FGFR4: variants seen among roughly 807,000 people sequenced by gnomAD.
The protein encoded by FGFR4 is fibroblast growth factor receptor 4.
Under a neutral mutation model 89.9 loss-of-function variants are expected in FGFR4, and 63 were observed. That is an observed-to-expected ratio of 0.70 (90% confidence interval 0.57 to 0.86). The LOEUF is 0.86. Among genes scored for constraint, FGFR4 ranks in the 40% least tolerant of loss-of-function variants. The pLI is 0.00. For synonymous variants in FGFR4, 486 were observed against 479.4 expected (o/e 1.01, Z -0.18); for missense variants, 928 against 1,106.7 (o/e 0.84, Z 2.29).
In FGFR4 at chr5:177,091,618, C is replaced by A. The variant is rs1784368570; in HGVS notation, c.604-67C>A. 4.4e-6 allele frequency: 7 copies of A among 1,591,836 alleles called. No individual in the cohort carries two copies. In the South Asian group the frequency reaches 7.9e-5, roughly 18 times the overall value. On this transcript the variant is annotated intron_variant, in intron 5 of 17. Transcript: ENST00000292408. ...CCCTGTGGGCAGGATGAGGATCTAG[C>A]CTCCTGGTCCTCTGGCCCCCTTGGT...
chr5:177,092,281 G>T (rs779918745), intron 6 of FGFR4, 40 bp from the exon 7 acceptor site: 1 of 1,507,768 alleles, frequency 6.6e-7, no homozygotes, highest in Non-Finnish European at 8.9e-7. Flanking sequence ...GCTTCTATGG[G>T]TGCCGGTGGT....
Position 177,096,688 on chromosome 5 carries a change from G to C in FGFR4, c.2100G>C (p.Ser700=), listed in dbSNP as rs750894321. ...YPGIPVEELF[S]LLREGHRMDR... is the part of the protein sequence containing the mutation. ...GCATCCCGGTGGAGGAGCTGTTCTC[G>C]CTGCTGCGGGAGGGACATCGGATGG... Residue 700 remains serine, a synonymous_variant, in exon 16 of 18, where the codon TCG becomes TCC. Coordinates refer to ENST00000292408, the MANE Select transcript of FGFR4 (RefSeq NM_213647.3). 4.4e-6 allele frequency: 7 copies of C among 1,607,336 alleles called. No homozygotes were observed. Among genetic ancestry groups the C allele is most frequent in the Non-Finnish European group, 5.1e-6 (6 of 1,176,732 alleles).
At position 177,087,640 on chromosome 5, in the gene FGFR4, G is replaced by A. The variant is rs1308666631; in HGVS notation, c.-54+563G>A. On this transcript the variant is annotated intron_variant, in intron 1 of 17. Coordinates refer to ENST00000292408, the MANE Select transcript of FGFR4 (RefSeq NM_213647.3). The surrounding 1 kb of genome is among the most constrained non-coding windows in gnomAD (Gnocchi z 6.1). ...CTGATATCAGGGCAGCCTGGGGTAGGAATAAACTCCCCGGGCCTCCCCACC... is the reference window on the plus strand; with the variant it reads ...CTGATATCAGGGCAGCCTGGGGTAGAAATAAACTCCCCGGGCCTCCCCACC... 2.9e-5 allele frequency: 29 copies of A among 985,154 alleles called. No homozygotes were observed. The highest frequency in any genetic ancestry group is 3.4e-5 in the Non-Finnish European group (28 of 829,874). 61.0% of individuals were successfully genotyped at this position (985,154 alleles called of 1,614,324 possible).
rs200881232 is a variant in FGFR4, at chr5:177,093,495, C to T, written c.1341C>T (p.Ala447=). ...RLSSSGPALL[A]GLVSLDLPLD... ...CCTCCAGCGGCCCCGCCTTGCTCGC[C>T]GGCCTCGTGAGTCTAGATCTACCTC... Residue 447 remains alanine (A), a synonymous_variant, in exon 10 of 18, where the codon GCC becomes GCT. Transcript: ENST00000292408. The surrounding 1 kb of genome is among the most constrained non-coding windows in gnomAD (Gnocchi z 5.8). 14 of 1,613,932 alleles carry T rather than the reference C, an allele frequency of 8.7e-6. No homozygotes were observed. Among genetic ancestry groups the T allele is most frequent in the Admixed American group, 1.7e-5 (1 of 60,032 alleles).
intron 8 of FGFR4, 54 bp downstream of exon 8, chr5:177,092,838 T>G (rs1230419935): frequency 1.9e-6 from 3 of 1,612,426 alleles, no homozygotes; most frequent in Non-Finnish European, 2.5e-6. Context: ...GGGCCAGCAG[T>G]GGGGGCTGTG....
Position 177,097,476 on chromosome 5 carries a change from C to T in FGFR4, c.2260-51C>T, listed in dbSNP as rs766717342. On this transcript the variant is annotated intron_variant, in intron 17 of 17. Transcript: ENST00000292408. ...TCTGGCCTGACCGCGTGGACATGCG[C>T]CCCGTCCCATCCCGGGCGCTGCAGA... The T allele has an allele frequency of 4.4e-6, 7 of 1,603,856 alleles. No individual in the cohort carries two copies. In the Admixed American group the frequency reaches 1.0e-4, roughly 23 times the overall value.
rs749158608 is a variant in FGFR4, at chr5:177,093,478, G to A, written c.1324G>A (p.Gly442Ser). ...ACGAGGCGTGCGTCTCTCCTCCAGC[G>A]GCCCCGCCTTGCTCGCCGGCCTCGT... ...LVRGVRLSSS[G>S]PALLAGLVSL... The change falls in exon 10 of 18, where the codon GGC becomes AGC. Residue 442 changes from glycine to serine, a missense_variant. Around this residue, in one of 5 missense-constraint regions of FGFR4, gnomAD observed 741 missense variants for 836.9 expected, o/e 0.89. Transcript: ENST00000292408. This position sits in a 1 kb window ranked among gnomAD's most constrained non-coding sequence, Gnocchi z 5.8. 32 of 1,613,850 alleles carry A rather than the reference G, an allele frequency of 2.0e-5. No individual in the cohort carries two copies. The highest frequency in any genetic ancestry group is 8.3e-5 in the Admixed American group (5 of 60,010).
intron 6 of FGFR4, 32 bp downstream of exon 6, chr5:177,091,840 G>A: frequency 6.2e-7 from 1 of 1,611,884 alleles, no homozygotes; most frequent in East Asian, 2.2e-5. Context: ...GGGGAGGCCT[G>A]ACCCATTTTG....
chr5:177,095,557 GCGC>G lies in FGFR4; in HGVS notation c.1660_1662del (p.Ala554del), dbSNP rs752046033. 2 of 1,610,072 alleles carry G rather than the reference GCGC, an allele frequency of 1.2e-6. No homozygotes were observed. Among genetic ancestry groups the G allele is most frequent in the African/African-American group, 2.7e-5 (2 of 74,814 alleles). ...GGGCCCCTGTACGTGATCGTGGAGT[GCGC>G]CGCCAAGGGAAACCTGCGGGAGTTC... On this transcript the variant is annotated inframe_deletion, in exon 13 of 18. Transcript: ENST00000292408. This position sits in a 1 kb window ranked among gnomAD's most constrained non-coding sequence, Gnocchi z 5.7.
Position 177,093,028 on chromosome 5 carries a change from G to C in FGFR4, c.1058-110G>C, listed in dbSNP as rs1292615104. 3 of 1,448,076 alleles carry C rather than the reference G, an allele frequency of 2.1e-6. No homozygotes were observed. The highest frequency in any genetic ancestry group is 2.9e-6 in the Non-Finnish European group (3 of 1,041,474). The allele number at this position is 1,448,076 out of a possible 1,614,324, so 89.7% of individuals were successfully genotyped here. On this transcript the variant is annotated intron_variant, in intron 8 of 17. Coordinates refer to ENST00000292408, the MANE Select transcript of FGFR4 (RefSeq NM_213647.3). The surrounding 1 kb of genome is among the most constrained non-coding windows in gnomAD (Gnocchi z 5.8). The stretch of plus-strand genomic sequence containing the variant: ...GGCATAACTACAGCTTCCTCCGTGT[G>C]TGTCCCCACATATGTTGGGAGCTGG...
At chr5:177,089,422 C>A in intron 1 of FGFR4, 128 bp from the exon 2 acceptor site, 1 of 1,096,906 alleles carries the variant, frequency 9.1e-7, no homozygotes, top group Non-Finnish European at 1.3e-6. Flanking sequence ...TGCACTGCCA[C>A]AGCCTGGCCA....
chr5:177,096,539 C>A, intron 15 of FGFR4, 65 bp from the exon 16 acceptor site: 1 of 1,589,342 alleles, frequency 6.3e-7, no homozygotes, highest in Non-Finnish European at 8.6e-7. Context: ...TCTGTGGGGT[C>A]CCCCGTCCTA....
Position 177,093,824 on chromosome 5 carries a change from A to G in FGFR4, c.1519+49A>G, listed in dbSNP as rs748874813. The G allele has an allele frequency of 1.3e-6, 2 of 1,574,182 alleles. No homozygotes were observed. Among genetic ancestry groups the G allele is most frequent in the Non-Finnish European group, 1.7e-6 (2 of 1,154,098 alleles). ...CTCACACCTGTAACGCCAGCACTTT[A>G]GGAGGCTGAGGGTGGGAGGATCGCT... On this transcript the variant is annotated intron_variant, in intron 11 of 17. Coordinates refer to ENST00000292408, the MANE Select transcript of FGFR4 (RefSeq NM_213647.3). This position sits in a 1 kb window ranked among gnomAD's most constrained non-coding sequence, Gnocchi z 5.8.
chr5:177,097,712 G>A lies in FGFR4; in HGVS notation c.*36G>A. The stretch of plus-strand genomic sequence containing the variant: ...AGGCTGTGCAGGCACATAGGCTGGT[G>A]GCCTTGGGCCTTGGGGCTCAGCCAC... On this transcript the variant is annotated 3_prime_UTR_variant, in exon 18 of 18. Coordinates refer to ENST00000292408, the MANE Select transcript of FGFR4 (RefSeq NM_213647.3). The A allele has an allele frequency of 6.3e-7, 1 of 1,597,244 alleles. No individual in the cohort carries two copies. Among genetic ancestry groups the A allele is most frequent in the South Asian group, 1.1e-5 (1 of 89,548 alleles).
rs777754416 is a variant in FGFR4, at chr5:177,093,477, C to A, written c.1323C>A (p.Ser441Arg). 2.5e-6 allele frequency: 4 copies of A among 1,613,826 alleles called. No homozygotes were observed. The highest frequency in any genetic ancestry group is 2.2e-5 in the South Asian group (2 of 91,090). The change falls in exon 10 of 18, where the codon AGC (serine) becomes AGA (arginine). Residue 441 changes from serine (S) to arginine (R), a missense_variant. Coordinates refer to ENST00000292408, the MANE Select transcript of FGFR4 (RefSeq NM_213647.3). This position sits in a 1 kb window ranked among gnomAD's most constrained non-coding sequence, Gnocchi z 5.8. ...SLVRGVRLSSSGPALLAGLVS... is the reference protein window; with the variant it reads ...SLVRGVRLSSRGPALLAGLVS... The stretch of plus-strand genomic sequence containing the variant: ...TACGAGGCGTGCGTCTCTCCTCCAG[C>A]GGCCCCGCCTTGCTCGCCGGCCTCG...
At chr5:177,088,820 C>CCAGTGCT (rs1219319030) in intron 1 of FGFR4, among the ~76,000 whole-genome samples, 2 of 151,228 alleles carry the variant, frequency 1.3e-5, no homozygotes, top group Middle Eastern at 3.2e-3. Context: ...CTCTGCGTGC[C>CCAGTGCT]GACGCACGTT....
rs187835083 is a variant in FGFR4, at chr5:177,089,049, C to T, written c.-53-501C>T. Among the ~76,000 whole-genome samples, 630 of 152,200 alleles carry T rather than the reference C, an allele frequency of 4.1e-3. 3 individuals are homozygous for T. Among genetic ancestry groups the T allele is most frequent in the Middle Eastern group, 0.024 (7 of 294 alleles). On this transcript the variant is annotated intron_variant, in intron 1 of 17. Transcript: ENST00000292408. ...CGGTCCTGCTTGCCACGGAAGGGGCCGCCTTGTCAGTTGTGACCACCCAGC... is the reference window on the plus strand; with the variant it reads ...CGGTCCTGCTTGCCACGGAAGGGGCTGCCTTGTCAGTTGTGACCACCCAGC...
At chr5:177,097,455 G>T in intron 17 of FGFR4, 58 bp downstream of exon 17, 1 of 1,603,838 alleles carries the variant, frequency 6.2e-7, no homozygotes, top group Non-Finnish European at 8.5e-7. Flanking sequence ...GCCTCATCTG[G>T]CCTGACCGCG....
intron 15 of FGFR4, 55 bp from the exon 16 acceptor site, chr5:177,096,549 A>G: frequency 1.9e-6 from 3 of 1,602,622 alleles, no homozygotes; most frequent in Non-Finnish European, 2.6e-6. Flanking sequence ...CCCCCGTCCT[A>G]GCCCCGGTCG....
Sources: gnomAD v4.1 joint callset for allele counts (sites outside exome capture counted in the v4.1 genomes callset) on GRCh38, gnomAD v4.1.1 for gene constraint, gnomAD v4.1.1 regional missense constraint, Gnocchi (gnomAD v3.1) non-coding constraint, MANE v1.5 for transcripts, NCBI Gene and HGNC (gene_info 2026-07-23, HGNC 2026-07-21) for gene names.